Variants in SLC18B1 observed in about 807,000 individuals in gnomAD.
SLC18B1 encodes solute carrier family 18 member B1.
In SLC18B1, 62 loss-of-function variants were observed where a neutral mutation model predicts 53.9. That is an observed-to-expected ratio of 1.15 (90% confidence interval 0.94 to 1.42). The LOEUF (loss-of-function observed/expected upper bound fraction) is 1.42, where lower values mean the gene tolerates loss of function less well. Among genes scored for constraint, SLC18B1 ranks in the 40% most tolerant of loss-of-function variants. The pLI is 0.00. For synonymous variants in SLC18B1, 217 were observed against 200.9 expected, an observed-to-expected ratio of 1.08 and a Z score of -0.68; for missense variants, 598 against 547.3, an observed-to-expected ratio of 1.09 and a Z score of -0.93.
intron 6 of SLC18B1, among the ~76,000 whole-genome samples, chr6:132,782,893 G>T (rs1454868393): frequency 2.0e-5 from 3 of 151,458 alleles, no homozygotes; most frequent in Admixed American, 6.6e-5. Flanking sequence ...TCCTGTCTCA[G>T]CCTCCTGAGT....
At chr6:132,792,349 AAGGAAGGG>A (rs1266790174) in intron 2 of SLC18B1, among the ~76,000 whole-genome samples, 1,898 of 121,774 alleles carry the variant, frequency 0.016, 253 homozygotes, top group Middle Eastern at 0.027. Flanking sequence ...GGAAGGAAGG[AAGGAAGGG>A]AAAGAAAGAA....
At chr6:132,772,863 T>C (rs1781010507) in intron 10 of SLC18B1, 130 bp downstream of exon 10, 2 of 627,656 alleles carry the variant, frequency 3.2e-6, no homozygotes, top group African/African-American at 1.8e-5. Flanking sequence ...TATCATATGC[T>C]ACAAAATCAT....
chr6:132,782,850 C>G (rs894606463), intron 6 of SLC18B1, among the ~76,000 whole-genome samples: 1 of 151,556 alleles, frequency 6.6e-6, no homozygotes. Flanking sequence ...TCTTGGCTCA[C>G]TGCAACCTCC....
At chr6:132,789,944 A>G (rs1193388048) in intron 3 of SLC18B1, 107 bp from the exon 4 acceptor site, 1 of 748,448 alleles carries the variant, frequency 1.3e-6, no homozygotes, top group Admixed American at 2.4e-5. Context: ...GAAGACATGT[A>G]CAGTTAATAT....
intron 5 of SLC18B1, among the ~76,000 whole-genome samples, chr6:132,785,924 A>T (rs1027492974): frequency 6.6e-6 from 1 of 151,614 alleles, no homozygotes; most frequent in East Asian, 1.9e-4. Flanking sequence ...AAAGAAAGAA[A>T]AAAAGAAAAA....
chr6:132,782,187 C>CAAAA (rs572176758), intron 6 of SLC18B1, among the ~76,000 whole-genome samples: 1 of 89,818 alleles, frequency 1.1e-5, no homozygotes, highest in Non-Finnish European at 2.4e-5. Flanking sequence ...GACTCTGTTT[C>CAAAA]AAAAAAAAAA....
chr6:132,774,492 C>T (rs779735537), intron 8 of SLC18B1, among the ~76,000 whole-genome samples, 179 bp from the exon 9 acceptor site: 33 of 152,058 alleles, frequency 2.2e-4, no homozygotes, highest in Admixed American at 3.3e-4. Flanking sequence ...CAAGCAATGA[C>T]GATATATAAC....
chr6:132,789,872 T>A (rs749135910), intron 3 of SLC18B1, 35 bp from the exon 4 acceptor site: 1 of 1,466,776 alleles, frequency 6.8e-7, no homozygotes, highest in Admixed American at 1.7e-5. Context: ...GGTAAATTTA[T>A]GACTTCCGAA....
chr6:132,790,252 G>A lies in SLC18B1; in HGVS notation c.204C>T (p.Ser68=). The change falls in exon 3 of 14, where the codon AGC becomes AGT. Residue 68 remains serine, a synonymous_variant. Coordinates refer to ENST00000275227, the MANE Select transcript of SLC18B1 (RefSeq NM_052831.3). ...FPKEAEKKGA[S]NTIIGMIFGC... ...CAAAGATCATACCGATAATTGTATT[G>A]CTGGCTCCCTTCTTTTCAGCCTTTA... 6.4e-7 allele frequency: 1 copy of A among 1,563,574 alleles called. No homozygotes were observed. The highest frequency in any genetic ancestry group is 8.7e-7 in the Non-Finnish European group (1 of 1,152,530).
intron 6 of SLC18B1, among the ~76,000 whole-genome samples, chr6:132,779,802 C>T (rs1781185732): frequency 6.6e-6 from 1 of 152,160 alleles, no homozygotes; most frequent in Admixed American, 6.5e-5. Flanking sequence ...GTTTAATAAA[C>T]TCAAAGTTCC....
chr6:132,795,228 T>C (rs1332309706), intron 2 of SLC18B1, among the ~76,000 whole-genome samples: 1 of 152,116 alleles, frequency 6.6e-6, no homozygotes, highest in East Asian at 1.9e-4. Context: ...ATATCCAAAT[T>C]ATTGGAACCT....
At chr6:132,778,674 C>T (rs1781154563) in intron 7 of SLC18B1, among the ~76,000 whole-genome samples, 1 of 152,066 alleles carries the variant, frequency 6.6e-6, no homozygotes, top group Non-Finnish European at 1.5e-5. Flanking sequence ...AGTTAACTAC[C>T]ACACCTGGTA....
chr6:132,798,427 TG>T lies in SLC18B1; in HGVS notation c.29del (p.Pro10HisfsTer28). MEALGDLEG[P>X]RAPGGDDPAG... ...ATTCATGGTCACCTCCTGGTGCGCG[TG>T]GTCCCTCCAGGTCACCCAGCGCCTC... On this transcript the variant is annotated frameshift_variant, in exon 1 of 14. Transcript: ENST00000275227. LOFTEE classifies it high-confidence loss of function. 6.5e-7 allele frequency: 1 copy of T among 1,534,290 alleles called. No individual in the cohort carries two copies. The highest frequency in any genetic ancestry group is 8.8e-7 in the Non-Finnish European group (1 of 1,138,584).
chr6:132,795,923 G>A (rs1781663016), intron 2 of SLC18B1, among the ~76,000 whole-genome samples: 1 of 152,130 alleles, frequency 6.6e-6, no homozygotes, highest in South Asian at 2.1e-4. Context: ...AATATGGAGC[G>A]GGGCCGGGGC....
chr6:132,788,774 G>A (rs1267158776), intron 4 of SLC18B1, among the ~76,000 whole-genome samples: 1 of 143,748 alleles, frequency 7.0e-6, no homozygotes, highest in Non-Finnish European at 1.5e-5. Context: ...AGTGAGGCGA[G>A]ATCACACCAC....
rs147113347 is a variant in SLC18B1 at position 132,771,961 on chromosome 6, G to A, written c.1160+171C>T. The stretch of plus-strand genomic sequence containing the variant: ...ACAAAAATTAGCCAGATGTGGTGGT[G>A]GGCACCTGTAATCTCAGCTACTCAG... On this transcript the variant is annotated intron_variant, in intron 11 of 13. Coordinates refer to ENST00000275227, the MANE Select transcript of SLC18B1 (RefSeq NM_052831.3). Among the ~76,000 whole-genome samples the A allele has an allele frequency of 2.7e-3, 404 of 152,068 alleles. 2 individuals are homozygous for A. The highest frequency in any genetic ancestry group is 4.0e-3 in the Non-Finnish European group (275 of 67,968).
chr6:132,791,944 C>T (rs186484572), intron 2 of SLC18B1, among the ~76,000 whole-genome samples: 4 of 151,942 alleles, frequency 2.6e-5, no homozygotes, highest in South Asian at 2.1e-4. Flanking sequence ...GAAAAATATG[C>T]GTGCCGGGCA....
At position 132,783,127 on chromosome 6, in the gene SLC18B1, T is replaced by C. The variant is rs924885009; in HGVS notation, c.658+806A>G. ...CTAATTGGGAATACTTAAATCTACATTTACAGCCTTAATATTATCAATCCT... is the reference window on the plus strand; with the variant it reads ...CTAATTGGGAATACTTAAATCTACACTTACAGCCTTAATATTATCAATCCT... On this transcript the variant is annotated intron_variant, in intron 6 of 13. Coordinates refer to ENST00000275227, the MANE Select transcript of SLC18B1 (RefSeq NM_052831.3). 2.0e-5 allele frequency among the ~76,000 whole-genome samples: 3 copies of C among 151,972 alleles called. No individual in the cohort carries two copies. The East Asian group carries it at 5.8e-4, about 29-fold the overall frequency.
chr6:132,790,063 T>A (rs1477982538), intron 3 of SLC18B1, 114 bp downstream of exon 3: 3 of 841,958 alleles, frequency 3.6e-6, no homozygotes, highest in Non-Finnish European at 5.5e-6. Context: ...GCACAATTTA[T>A]AAAACTATAA....
Sources: gnomAD v4.1 joint callset for allele counts (sites outside exome capture counted in the v4.1 genomes callset) on GRCh38, gnomAD v4.1.1 for gene constraint, MANE v1.5 for transcripts, NCBI Gene and HGNC (gene_info 2026-07-23, HGNC 2026-07-21) for gene names.